Variants in TMEM229B observed in about 807,000 individuals in gnomAD.
TMEM229B encodes chromosome 14 open reading frame 83.
In TMEM229B, 6 loss-of-function variants were observed where a neutral mutation model predicts 13.7. That is an observed-to-expected ratio of 0.44 (90% CI 0.24 to 0.86). TMEM229B has a LOEUF of 0.86. Ranked by LOEUF, TMEM229B falls within the 40% of genes least tolerant of loss-of-function variation. The probability of loss-of-function intolerance (pLI) is 0.23; values close to 1 mark genes in which losing one functional copy is unlikely to be tolerated. For synonymous variants in TMEM229B, 107 were observed against 102.1 expected (o/e 1.05, Z -0.29); for missense variants, 170 against 236.0 (o/e 0.72, Z 1.83).
At chr14:67,486,693 A>G (rs948004061) in intron 2 of TMEM229B, among the ~76,000 whole-genome samples, 1 of 152,092 alleles carries the variant, frequency 6.6e-6, no homozygotes, top group African/African-American at 2.4e-5. Context: ...GCTTCCCCAG[A>G]CACGTGGAAT....
At chr14:67,514,322 G>T (rs1350078496) in intron 1 of TMEM229B, among the ~76,000 whole-genome samples, 5 of 152,166 alleles carry the variant, frequency 3.3e-5, no homozygotes, top group Non-Finnish European at 7.4e-5. Context: ...AAGAGGGAAA[G>T]GAAGATACCT....
chr14:67,489,800 C>G (rs890584903), upstream of TMEM229B, among the ~76,000 whole-genome samples: 2 of 152,172 alleles, frequency 1.3e-5, no homozygotes, highest in Non-Finnish European at 2.9e-5. Context: ...ACCATCCTGG[C>G]TAACATGGTG....
At position 67,473,566 on chromosome 14, in the gene TMEM229B, A is replaced by T; in HGVS notation, c.358T>A (p.Tyr120Asn). 6.2e-7 allele frequency: 1 copy of T among 1,613,102 alleles called. No homozygotes were observed. Among genetic ancestry groups the T allele is most frequent in the East Asian group, 2.2e-5 (1 of 44,858 alleles). Residue 120 changes from tyrosine (Y) to asparagine (N), a missense_variant, in exon 3 of 3, where the codon TAC (tyrosine) becomes AAC (asparagine). Physicochemically the swap from Tyr to Asn is moderately radical, Grantham distance 143 (BLOSUM62 -2). Around this residue, in one of 4 missense-constraint regions of TMEM229B, gnomAD observed 7 missense variants for 24.5 expected, o/e 0.29. Transcript: ENST00000554480. The surrounding 1 kb of genome is among the most constrained non-coding windows in gnomAD (Gnocchi z 6.5). ...FDFMGLITLE[Y>N]AVPWFCGALI... ...GCCCCGCAGAACCAGGGCACGGCGT[A>T]CTCCAGGGTGATGAGGCCCATGAAG... is the stretch of plus-strand genomic sequence containing the variant.
At position 67,508,135 on chromosome 14, in the gene TMEM229B, C is replaced by CA. The variant is rs34715322; in HGVS notation, c.-192+6950dup. Reference sequence around the variant, plus strand: ...GGGCAGCAAGAGCTAAACTCCATCTCAAAAAAAAAAAAAAGAGCAATGACT... The same window carrying CA: ...GGGCAGCAAGAGCTAAACTCCATCTCAAAAAAAAAAAAAAAGAGCAATGACT... On this transcript the variant is annotated intron_variant, in intron 1 of 2. Coordinates refer to the TMEM229B transcript ENST00000357461. Among the ~76,000 whole-genome samples the CA allele has an allele frequency of 1.2e-3, 155 of 130,596 alleles. 9 individuals carry two copies. The highest frequency in any genetic ancestry group is 1.8e-3 in the Admixed American group (24 of 13,102). The allele number at this position is 130,596 out of a possible 152,430, so 85.7% of individuals were successfully genotyped here.
chr14:67,486,151 A>G (rs2031864972), intron 2 of TMEM229B, among the ~76,000 whole-genome samples: 1 of 152,222 alleles, frequency 6.6e-6, no homozygotes, highest in South Asian at 2.1e-4. Context: ...TCCTCACCCA[A>G]ATCTCATCTT....
Position 67,478,720 on chromosome 14 carries a change from G to A in TMEM229B, c.-18-4779C>T, listed in dbSNP as rs545417905. Among the ~76,000 whole-genome samples, 9 of 152,166 alleles carry A rather than the reference G, an allele frequency of 5.9e-5. No homozygotes were observed. The East Asian group carries it at 9.7e-4, about 16-fold the overall frequency. On this transcript the variant is annotated intron_variant, in intron 2 of 2. Transcript: ENST00000554480. ...TGCTACCTGGGCCCCACCCAGGGCC[G>A]GTGAACCCTCCTTTAAGACCCAGCT...
chr14:67,512,623 C>T (rs1028893962), intron 1 of TMEM229B, among the ~76,000 whole-genome samples: 11 of 152,186 alleles, frequency 7.2e-5, no homozygotes, highest in Non-Finnish European at 1.5e-5. Context: ...TCAAGGACAG[C>T]CAGATCTGAT....
chr14:67,490,845 C>T (rs2032141393), upstream of TMEM229B, among the ~76,000 whole-genome samples: 1 of 152,224 alleles, frequency 6.6e-6, no homozygotes, highest in South Asian at 2.1e-4. Flanking sequence ...TTTCCTTCTG[C>T]TCTCACACTC....
chr14:67,486,541 G>C (rs1487702079), intron 2 of TMEM229B, among the ~76,000 whole-genome samples: 1 of 152,130 alleles, frequency 6.6e-6, no homozygotes, highest in Non-Finnish European at 1.5e-5. Flanking sequence ...CCAAAGTGCT[G>C]GGATTACAGG....
At chr14:67,485,789 G>T (rs961805771) in intron 2 of TMEM229B, among the ~76,000 whole-genome samples, 2 of 152,266 alleles carry the variant, frequency 1.3e-5, no homozygotes, top group Non-Finnish European at 2.9e-5. Context: ...GGGCTGTGCA[G>T]TTAGGAGCCT....
chr14:67,514,155 T>G (rs988240980), intron 1 of TMEM229B, among the ~76,000 whole-genome samples: 2 of 152,134 alleles, frequency 1.3e-5, no homozygotes, highest in African/African-American at 4.8e-5. Context: ...GCTCTTTCCC[T>G]CCAGGGAGAG....
chr14:67,527,808 T>C (rs940856593), intron 1 of TMEM229B, among the ~76,000 whole-genome samples: 5 of 152,248 alleles, frequency 3.3e-5, no homozygotes, highest in African/African-American at 1.2e-4. Context: ...TGTCCTCAGA[T>C]TGCGGAGCAA....
chr14:67,482,740 G>A (rs2031657826), intron 2 of TMEM229B, among the ~76,000 whole-genome samples: 2 of 152,330 alleles, frequency 1.3e-5, no homozygotes, highest in South Asian at 4.1e-4. Context: ...CCCAGGGCCA[G>A]AAGGGAAGCA....
At chr14:67,515,778 T>C (rs1345357523), upstream of TMEM229B, among the ~76,000 whole-genome samples, 2 of 152,200 alleles carry the variant, frequency 1.3e-5, no homozygotes, top group Non-Finnish European at 2.9e-5. Flanking sequence ...AGGCCCGGGC[T>C]ACCTGAGGGC....
chr14:67,509,918 G>A (rs2032970476), intron 1 of TMEM229B, among the ~76,000 whole-genome samples: 1 of 152,176 alleles, frequency 6.6e-6, no homozygotes, highest in South Asian at 2.1e-4. Flanking sequence ...GCTGAGGCAG[G>A]AGGATCACTT....
chr14:67,518,422 TGCTTA>T (rs575048384), upstream of TMEM229B, among the ~76,000 whole-genome samples: 13 of 152,240 alleles, frequency 8.5e-5, no homozygotes, highest in South Asian at 2.7e-3. Flanking sequence ...GCATATAAGG[TGCTTA>T]GCATAGTGCC....
chr14:67,473,203 C>T lies in TMEM229B; in HGVS notation c.*217G>A. 2 of 620,800 alleles carry T rather than the reference C, an allele frequency of 3.2e-6. No homozygotes were observed. Among genetic ancestry groups the T allele is most frequent in the Non-Finnish European group, 2.7e-6 (1 of 364,166 alleles). The allele number at this position is 620,800 out of a possible 1,614,324, so 38.5% of individuals were successfully genotyped here. On this transcript the variant is annotated 3_prime_UTR_variant, in exon 3 of 3. Coordinates refer to ENST00000554480, the MANE Select transcript of TMEM229B (RefSeq NM_001348543.2). The surrounding 1 kb of genome is among the most constrained non-coding windows in gnomAD (Gnocchi z 6.5). ...TGGGCCGCGATCCATGGACCCTTCC[C>T]AATGTCCCTCTGCTGCCTCCACACC...
At chr14:67,523,505 A>T (rs1390727113) in intron 1 of TMEM229B, among the ~76,000 whole-genome samples, 1 of 152,218 alleles carries the variant, frequency 6.6e-6, no homozygotes, top group African/African-American at 2.4e-5. Context: ...CATTTGGAAG[A>T]TGAGAGCAAT....
upstream of TMEM229B, among the ~76,000 whole-genome samples, chr14:67,492,625 C>CT (rs1375885325): frequency 2.0e-5 from 3 of 152,342 alleles, no homozygotes; most frequent in East Asian, 5.8e-4. Flanking sequence ...AGAAGCCCAG[C>CT]AGGGCTTTCA....
Sources: gnomAD v4.1 joint callset for allele counts (sites outside exome capture counted in the v4.1 genomes callset) on GRCh38, gnomAD v4.1.1 for gene constraint, gnomAD v4.1.1 regional missense constraint, Gnocchi (gnomAD v3.1) non-coding constraint, MANE v1.5 for transcripts, NCBI Gene and HGNC (gene_info 2026-07-23, HGNC 2026-07-21) for gene names.